The following TTN variants were observed in gnomAD, a reference collection of about 807,000 sequenced individuals.
TTN encodes the protein titin.
Under a neutral mutation model 3,223.0 loss-of-function variants are expected in TTN, and 1,525 were observed. That is an observed-to-expected ratio of 0.47 (90% confidence interval 0.45 to 0.49). TTN has a LOEUF of 0.49. TTN is among the 20% of genes least tolerant of loss of function. TTN has a pLI of 0.00. For missense variants in TTN, 40,786 were observed against 43,424.0 expected (o/e 0.94, Z 5.40); for synonymous variants, 14,094 against 15,161.0 (o/e 0.93, Z 5.17).
rs369785776 is a variant in TTN, at chr2:178,578,336, A to AT, written c.68330-152dup. ...ACTTTTATTACCCAAGCATAGTGCCATTTTTTTTTTCCTCTTGGAATATGC... is the reference window on the plus strand; with the variant it reads ...ACTTTTATTACCCAAGCATAGTGCCATTTTTTTTTTTCCTCTTGGAATATGC... On this transcript the variant is annotated intron_variant, in intron 321 of 362. Transcript: ENST00000589042. Among the ~76,000 whole-genome samples the AT allele has an allele frequency of 8.2e-3, 1,228 of 149,036 alleles. 13 individuals are homozygous for AT. The highest frequency in any genetic ancestry group is 0.014 in the Middle Eastern group (4 of 286).
chr2:178,621,517 G>C lies in TTN; in HGVS notation c.45307C>G (p.Arg15103Gly). Residue 15103 changes from arginine (R) to glycine (G), a missense_variant, in exon 245 of 363, where the codon CGA (arginine) becomes GGA (glycine). Coordinates refer to ENST00000589042, the MANE Select transcript of TTN (RefSeq NM_001267550.2). ...CCATCGGTTCGAGAGCTTGGGAGTC[G>C]ACAGTTGTAGTTGCCAGCATCCTCA... Reference protein sequence around the residue: ...HLEDAGNYNCRLPSSRTDGKV... With the variant: ...HLEDAGNYNCGLPSSRTDGKV... 1 of 1,612,338 alleles carries C rather than the reference G, an allele frequency of 6.2e-7. No homozygotes were observed. Among genetic ancestry groups the C allele is most frequent in the Non-Finnish European group, 8.5e-7 (1 of 1,179,050 alleles).
chr2:178,718,507 A>G lies in TTN; in HGVS notation c.24599T>C (p.Ile8200Thr), dbSNP rs2077838539. 1 of 1,613,638 alleles carries G rather than the reference A, an allele frequency of 6.2e-7. No individual in the cohort carries two copies. The highest frequency in any genetic ancestry group is 1.3e-5 in the African/African-American group (1 of 74,908). Reference protein sequence around the residue: ...LEATYTGTPPISVSWIKDEYL... With the variant: ...LEATYTGTPPTSVSWIKDEYL... ...CTCGTCCTTTATCCAGCTCACTGAG[A>G]TTGGAGGTGTGCCAGTGTATGTGGC... Residue 8200 changes from isoleucine (I) to threonine (T), a missense_variant, in exon 85 of 363, where the codon ATC becomes ACC. Transcript: ENST00000589042.
intron 149 of TTN, chr2:178,675,374 AG>A (rs1004672193): frequency 1.7e-5 from 6 of 363,370 alleles, no homozygotes; most frequent in Non-Finnish European, 2.9e-5. Context: ...TTTTTTTTGT[AG>A]GAAGAAATGG....
At chr2:178,719,104 G>C (rs994089000) in intron 83 of TTN, 60 bp downstream of exon 83, 9 of 1,548,924 alleles carry the variant, frequency 5.8e-6, no homozygotes, top group African/African-American at 1.4e-5. Context: ...GGGAAGGCAG[G>C]CACCACGTCC....
At position 178,639,954 on chromosome 2, in the gene TTN, TACTG is replaced by T; in HGVS notation, c.40786+90_40786+93del. 3 of 1,501,314 alleles carry T rather than the reference TACTG, an allele frequency of 2.0e-6. No individual in the cohort carries two copies. In the South Asian group the frequency reaches 3.6e-5, roughly 18 times the overall value. 93.0% of individuals were successfully genotyped at this position (1,501,314 alleles called of 1,614,324 possible). On this transcript the variant is annotated intron_variant, in intron 222 of 362. Coordinates refer to ENST00000589042, the MANE Select transcript of TTN (RefSeq NM_001267550.2). ...GAGACGTTAGAAATCATTTGATACA[TACTG>T]ACTTTCACCTACTATCTTTTATTAA...
At position 178,717,701 on chromosome 2, in the gene TTN, C is replaced by G; in HGVS notation, c.25173G>C (p.Val8391=). 1 of 1,613,490 alleles carries G rather than the reference C, an allele frequency of 6.2e-7. No individual in the cohort carries two copies. The highest frequency in any genetic ancestry group is 2.2e-5 in the East Asian group (1 of 44,848). Residue 8391 remains valine, a synonymous_variant, in exon 87 of 363, where the codon GTG becomes GTC. Transcript: ENST00000589042. ...CRINGSEPLQ[V]SWYKDGVLLK... Reference sequence around the variant, plus strand: ...AAAGAACCCCATCCTTGTACCAAGACACTTGAAGAGGTTCTGAGCCATTGA... The same window carrying G: ...AAAGAACCCCATCCTTGTACCAAGAGACTTGAAGAGGTTCTGAGCCATTGA...
Position 178,654,198 on chromosome 2 carries a change from G to A in TTN, c.38380+10C>T, listed in dbSNP as rs200802296. 8.3e-5 allele frequency: 132 copies of A among 1,593,950 alleles called. 15 individuals carry two copies. The South Asian group carries it at 1.5e-3, about 18-fold the overall frequency. On this transcript the variant is annotated intron_variant, in intron 193 of 362. Transcript: ENST00000589042. ...TAAGTTATTCTTAGCAGAGGAGAGGGAATAAATACCTTTTGCACGTGGGGC... is the reference window on the plus strand; with the variant it reads ...TAAGTTATTCTTAGCAGAGGAGAGGAAATAAATACCTTTTGCACGTGGGGC...
intron 270 of TTN, among the ~76,000 whole-genome samples, chr2:178,610,666 G>A (rs761513568): frequency 4.0e-5 from 6 of 151,890 alleles, no homozygotes; most frequent in Non-Finnish European, 7.4e-5. Context: ...ACTATCCCTG[G>A]TTAAGAACAC....
At chr2:178,603,454 A>G (rs1315889327) in intron 282 of TTN, among the ~76,000 whole-genome samples, 1 of 151,962 alleles carries the variant, frequency 6.6e-6, no homozygotes, top group Admixed American at 6.6e-5. Context: ...TCTTTGTTCA[A>G]TAATATTATA....
In TTN at chr2:178,527,478, G is replaced by A; in HGVS notation, c.107648C>T (p.Ser35883Leu). The A allele has an allele frequency of 6.8e-6, 11 of 1,613,822 alleles. No individual in the cohort carries two copies. The highest frequency in any genetic ancestry group is 9.3e-6 in the Non-Finnish European group (11 of 1,179,778). ...GISNMTQLES[S>L]TSKMLKAGIR... ...GCCTGCTTTAAGCATTTTACTAGTT[G>A]AGCTTTCCAGTTGTGTCATATTAGA... Residue 35883 changes from serine to leucine, a missense_variant, in exon 362 of 363, where the codon TCA (serine) becomes TTA (leucine). Coordinates refer to ENST00000589042, the MANE Select transcript of TTN (RefSeq NM_001267550.2).
chr2:178,709,983 T>A, intron 98 of TTN, 127 bp from the exon 99 acceptor site: 1 of 895,370 alleles, frequency 1.1e-6, no homozygotes, highest in South Asian at 1.8e-5. Flanking sequence ...ATACACTATA[T>A]CAGAATATGT....
intron 147 of TTN, 48 bp downstream of exon 147, chr2:178,677,153 T>C: frequency 1.7e-6 from 2 of 1,170,878 alleles, no homozygotes; most frequent in Non-Finnish European, 1.1e-6. Context: ...ATAATTTATG[T>C]GACCAAGCTA....
In TTN at chr2:178,744,898, C is replaced by G. The variant is rs533466315; in HGVS notation, c.11312-2977G>C. 6.1e-6 allele frequency: 6 copies of G among 985,010 alleles called. No homozygotes were observed. In the African/African-American group the frequency reaches 7.0e-5, roughly 11 times the overall value. 61.0% of individuals were successfully genotyped at this position (985,010 alleles called of 1,614,324 possible). A position where few individuals can be genotyped will look rare whatever the true frequency, so the allele number is the denominator to read the frequency against. On this transcript the variant is annotated intron_variant, in intron 47 of 362. Transcript: ENST00000589042. ...TTATTTTGCAAATGTCTAGGTGAAC[C>G]CTGCCCACAAAGAGCACAATTGGTC... is the stretch of plus-strand genomic sequence containing the variant.
Position 178,620,785 on chromosome 2 carries a change from G to A in TTN, c.45825C>T (p.Ala15275=). ...GATTGGTCAAAGACACATTATAGTT[G>A]GCTTGGTCATCTAAGTGTGCATCTC... is the stretch of plus-strand genomic sequence containing the variant. ...RIRDAHLDDQ[A]NYNVSLTNHR... The change falls in exon 247 of 363, where the codon GCC becomes GCT. Residue 15275 remains alanine (A), a synonymous_variant. Coordinates refer to ENST00000589042, the MANE Select transcript of TTN (RefSeq NM_001267550.2). 2.5e-6 allele frequency: 4 copies of A among 1,612,750 alleles called. No individual in the cohort carries two copies. In the South Asian group the frequency reaches 3.3e-5, roughly 13 times the overall value.
rs1488808559 is a variant in TTN at position 178,533,023 on chromosome 2, T to A, written c.103592A>T (p.Lys34531Met). ...AGGCATCCGGAGTTTTCTCTCCTCC[T>A]TCTTTTCTTCTATCTCAAGTCTGAA... ...GEFRLEIEEK[K>M]EERKLRMPYD... The change falls in exon 358 of 363, where the codon AAG (lysine) becomes ATG (methionine). Residue 34531 changes from lysine to methionine, a missense_variant. Transcript: ENST00000589042. The A allele has an allele frequency of 1.2e-6, 2 of 1,613,884 alleles. No individual in the cohort carries two copies. Among genetic ancestry groups the A allele is most frequent in the South Asian group, 2.2e-5 (2 of 91,072 alleles).
intron 22 of TTN, chr2:178,779,719 G>C: frequency 1.9e-6 from 1 of 533,794 alleles, no homozygotes; most frequent in Non-Finnish European, 3.3e-6. Context: ...CAGATGAAGA[G>C]ATCTTGGCAT....
intron 73 of TTN, 63 bp downstream of exon 73, chr2:178,723,793 C>A (rs2078857747): frequency 6.5e-7 from 1 of 1,549,438 alleles, no homozygotes; most frequent in Non-Finnish European, 8.7e-7. Context: ...TGTTTGTCAA[C>A]ATAGATGTGC....
intron 17 of TTN, among the ~76,000 whole-genome samples, chr2:178,783,503 T>A (rs369565901): frequency 6.6e-6 from 1 of 152,242 alleles, no homozygotes. Flanking sequence ...ATTAAATCTT[T>A]TGAATCCATG....
chr2:178,704,232 G>C lies in TTN; in HGVS notation c.30138C>G (p.Thr10046=), dbSNP rs1405722276. 6.2e-7 allele frequency: 1 copy of C among 1,613,952 alleles called. No homozygotes were observed. Among genetic ancestry groups the C allele is most frequent in the East Asian group, 2.2e-5 (1 of 44,866 alleles). ...GGTCTTCTGCTCGAACATCTGCAAT[G>C]GTCAATTTATGGACTTTGTGTTCCA... The part of the protein sequence containing the change: ...TEVEHKVHKL[T]IADVRAEDQG... Residue 10046 remains threonine (T), a synonymous_variant, in exon 106 of 363, where the codon ACC becomes ACG. Coordinates refer to ENST00000589042, the MANE Select transcript of TTN (RefSeq NM_001267550.2).
Sources: gnomAD v4.1 joint callset for allele counts (sites outside exome capture counted in the v4.1 genomes callset) on GRCh38, gnomAD v4.1.1 for gene constraint, MANE v1.5 for transcripts, NCBI Gene and HGNC (gene_info 2026-07-23, HGNC 2026-07-21) for gene names.